Variants in HIP1 observed in about 807,000 individuals in gnomAD.
HIP1 encodes huntingtin interacting protein 1.
A neutral mutation model predicts 147.6 loss-of-function variants in HIP1; 65 were observed. The observed-to-expected ratio is 0.44, with a 90% confidence interval of 0.36 to 0.54. HIP1 has a LOEUF of 0.54. HIP1 is among the 20% of genes least tolerant of loss of function. The pLI, the probability that HIP1 is intolerant of heterozygous loss-of-function variation, is 0.00. For missense variants in HIP1, 1,061 were observed against 1,299.6 expected, an observed-to-expected ratio of 0.82 and a Z score of 2.82; for synonymous variants, 479 against 504.0, an observed-to-expected ratio of 0.95 and a Z score of 0.67.
intron 1 of HIP1, among the ~76,000 whole-genome samples, chr7:75,719,463 C>T (rs1180817490): frequency 1.3e-5 from 2 of 150,820 alleles, no homozygotes; most frequent in East Asian, 3.9e-4. Context: ...GAGATCATGC[C>T]GCTGCACTCC....
At chr7:75,575,874 G>A (rs1382868712) in intron 7 of HIP1, among the ~76,000 whole-genome samples, 2 of 151,594 alleles carry the variant, frequency 1.3e-5, no homozygotes, top group African/African-American at 2.4e-5. Context: ...TCCGCTTCCC[G>A]ACTGCACTAA....
chr7:75,647,636 G>A (rs1407443868), intron 1 of HIP1, among the ~76,000 whole-genome samples: 2 of 152,202 alleles, frequency 1.3e-5, no homozygotes, highest in Non-Finnish European at 2.9e-5. Flanking sequence ...AAGTTCTCCC[G>A]GAGCTCTCAG....
At chr7:75,598,921 T>G (rs183335873) in intron 2 of HIP1, among the ~76,000 whole-genome samples, 72 of 152,234 alleles carry the variant, frequency 4.7e-4, no homozygotes, top group Non-Finnish European at 6.8e-4. Context: ...AAGGAGTGCT[T>G]AAGTCCTTAA....
At chr7:75,579,536 C>T (rs1285237010) in intron 7 of HIP1, among the ~76,000 whole-genome samples, 1 of 145,546 alleles carries the variant, frequency 6.9e-6, no homozygotes, top group Non-Finnish European at 1.5e-5. Context: ...AGGTGATCCG[C>T]CCCCCTTGGC....
chr7:75,589,720 T>C (rs1796423517), intron 4 of HIP1, among the ~76,000 whole-genome samples: 1 of 137,542 alleles, frequency 7.3e-6, no homozygotes. Flanking sequence ...AAAAAAGACT[T>C]TTTTTTTGGG....
At position 75,636,220 on chromosome 7, in the gene HIP1, G is replaced by A. The variant is rs782738698; in HGVS notation, c.121-36973C>T. On this transcript the variant is annotated intron_variant, in intron 1 of 30. Coordinates refer to ENST00000336926, the MANE Select transcript of HIP1 (RefSeq NM_005338.7). ...AGCTGGGCATGGTAGTGCTGGGGGC[G>A]CGCGCCTGTAGTCCCAGCTACTAGG... is the stretch of plus-strand genomic sequence containing the variant. 1.4e-3 allele frequency among the ~76,000 whole-genome samples: 218 copies of A among 151,574 alleles called. 4 individuals carry two copies. Among genetic ancestry groups the A allele is most frequent in the Admixed American group, 6.6e-4 (10 of 15,182 alleles).
At chr7:75,606,723 T>C (rs1201561598) in intron 1 of HIP1, among the ~76,000 whole-genome samples, 2 of 152,056 alleles carry the variant, frequency 1.3e-5, no homozygotes, top group Non-Finnish European at 2.9e-5. Flanking sequence ...GAAATAGCCA[T>C]TTTTAAAAGA....
At chr7:75,609,980 G>A (rs1178415105) in intron 1 of HIP1, among the ~76,000 whole-genome samples, 1 of 136,932 alleles carries the variant, frequency 7.3e-6, no homozygotes, top group Non-Finnish European at 1.5e-5. Flanking sequence ...TTGATTCATT[G>A]CAACCTCTGC....
intron 15 of HIP1, 68 bp downstream of exon 15, chr7:75,558,099 A>G: frequency 7.5e-7 from 1 of 1,329,354 alleles, no homozygotes; most frequent in Non-Finnish European, 1.1e-6. Context: ...GGGAAGCCAC[A>G]GGCCTGAGCC....
intron 13 of HIP1, among the ~76,000 whole-genome samples, 193 bp from the exon 14 acceptor site, chr7:75,560,108 C>T (rs1219991559): frequency 1.3e-5 from 2 of 152,192 alleles, no homozygotes; most frequent in East Asian, 1.9e-4. Context: ...GGGATGATGG[C>T]CGGGGAATTG....
intron 22 of HIP1, 47 bp downstream of exon 22, chr7:75,553,406 A>T: frequency 6.3e-7 from 1 of 1,598,240 alleles, no homozygotes; most frequent in Non-Finnish European, 8.6e-7. Flanking sequence ...ACCAGCACGC[A>T]CACCCAGAAG....
chr7:75,556,731 G>A lies in HIP1; in HGVS notation c.1662C>T (p.Gly554=), dbSNP rs781843883. The change falls in exon 17 of 31, where the codon GGC becomes GGT. Residue 554 remains glycine, a synonymous_variant. Transcript: ENST00000336926. ...TSQRELQVLQ[G]SLETSAQSEA... is the part of the protein sequence containing the mutation. ...TTACCTGGGCAGAAGTTTCCAGGCT[G>A]CCTTGCAGAACCTGAAGCTCCCGTT... 3 of 1,611,240 alleles carry A rather than the reference G, an allele frequency of 1.9e-6. No homozygotes were observed. Among genetic ancestry groups the A allele is most frequent in the Non-Finnish European group, 2.5e-6 (3 of 1,177,712 alleles).
intron 1 of HIP1, among the ~76,000 whole-genome samples, chr7:75,664,756 G>T (rs782363020): frequency 8.6e-5 from 13 of 151,958 alleles, no homozygotes; most frequent in Non-Finnish European, 1.5e-4. Context: ...GAGTAGCTGG[G>T]ATTACAAGCA....
At chr7:75,588,642 T>C (rs1426236023) in intron 4 of HIP1, among the ~76,000 whole-genome samples, 2 of 151,794 alleles carry the variant, frequency 1.3e-5, no homozygotes, top group African/African-American at 4.8e-5. Context: ...GGTTTGGTGG[T>C]GCACACCTGT....
chr7:75,621,691 A>C (rs587701974), intron 1 of HIP1, among the ~76,000 whole-genome samples: 54 of 152,276 alleles, frequency 3.5e-4, no homozygotes, highest in African/African-American at 1.3e-3. Flanking sequence ...TTCAATCAGG[A>C]CAGAATTGAT....
Position 75,541,905 on chromosome 7 carries a change from G to T in HIP1, c.2952+14C>A. The T allele has an allele frequency of 1.3e-6, 2 of 1,595,704 alleles. No homozygotes were observed. The highest frequency in any genetic ancestry group is 1.7e-6 in the Non-Finnish European group (2 of 1,163,190). ...GCAATAGAGGCTATCTAGACTTACA[G>T]ATGGAGCTCTCACCTGAGAATCCAT... is the stretch of plus-strand genomic sequence containing the variant. On this transcript the variant is annotated intron_variant, in intron 29 of 30. Transcript: ENST00000336926.
At position 75,558,250 on chromosome 7, in the gene HIP1, C is replaced by A. The variant is rs1795092163; in HGVS notation, c.1381G>T (p.Ala461Ser). 6.2e-7 allele frequency: 1 copy of A among 1,613,932 alleles called. No individual in the cohort carries two copies. The highest frequency in any genetic ancestry group is 1.3e-5 in the African/African-American group (1 of 75,056). Residue 461 changes from alanine (A) to serine (S), a missense_variant, in exon 15 of 31, where the codon GCT becomes TCT. Around this residue, in one of 3 missense-constraint regions of HIP1, gnomAD observed 810 missense variants for 946.8 expected, o/e 0.86. Coordinates refer to ENST00000336926, the MANE Select transcript of HIP1 (RefSeq NM_005338.7). ...QRSLSEIERK[A>S]QANEQRYSKL... ...CTATATCGCTGTTCATTGGCTTGAG[C>A]TTTCCCTGTATTGTAAAGGACCAAG... is the stretch of plus-strand genomic sequence containing the variant.
At chr7:75,592,140 G>A (rs782080309) in intron 3 of HIP1, 28 bp from the exon 4 acceptor site, 11 of 1,600,752 alleles carry the variant, frequency 6.9e-6, no homozygotes, top group Non-Finnish European at 9.4e-6. Context: ...CAGCCTGTGA[G>A]AGAATGGAGA....
At chr7:75,625,775 A>G (rs1343850707) in intron 1 of HIP1, 1 of 152,128 alleles carries the variant, frequency 6.6e-6, no homozygotes, top group Non-Finnish European at 1.5e-5. Context: ...TGCCCTTATA[A>G]AAGAGGCTTT....
Sources: allele counts gnomAD v4.1 joint callset (sites outside exome capture counted in the v4.1 genomes callset), GRCh38; gene constraint gnomAD v4.1.1; regional missense constraint gnomAD v4.1.1; transcripts MANE v1.5; gene names NCBI Gene and HGNC (gene_info 2026-07-23, HGNC 2026-07-21).